GOLM2: variants seen among roughly 807,000 people sequenced by gnomAD.
GOLM2 encodes the protein protein GOLM2.
GOLM2 carries 26 observed loss-of-function variants against 55.9 expected under a neutral mutation model. The ratio of observed to expected loss-of-function variants is 0.47; its 90% CI spans 0.34 to 0.65. GOLM2 has a LOEUF of 0.65. Ranked by LOEUF, GOLM2 falls within the 30% of genes least tolerant of loss-of-function variation. The pLI, the probability that GOLM2 is intolerant of heterozygous loss-of-function variation, is 0.01. For synonymous variants in GOLM2, 165 were observed against 194.6 expected (o/e 0.85, Z 1.27); for missense variants, 486 against 531.8 (o/e 0.91, Z 0.85).
intron 1 of GOLM2, among the ~76,000 whole-genome samples, chr15:44,317,493 T>C (rs1255942940): frequency 6.6e-6 from 1 of 152,166 alleles, no homozygotes; most frequent in East Asian, 1.9e-4. Context: ...AATGAAGGAA[T>C]TGGGAAACAA....
intron 6 of GOLM2, among the ~76,000 whole-genome samples, chr15:44,366,923 G>A (rs2079289954): frequency 6.6e-6 from 1 of 151,996 alleles, no homozygotes; most frequent in Admixed American, 6.6e-5. Flanking sequence ...TATATTTTTG[G>A]TAGAGATTAT....
At chr15:44,380,665 T>TA (rs75582759) in intron 7 of GOLM2, 141 bp from the exon 8 acceptor site, 13,868 of 367,666 alleles carry the variant, frequency 0.038, 26 homozygotes, top group East Asian at 0.099. Context: ...AATAAACCTT[T>TA]AAAAAAAAAA....
At chr15:44,343,416 G>A (rs565511393) in intron 6 of GOLM2, among the ~76,000 whole-genome samples, 40 of 150,670 alleles carry the variant, frequency 2.7e-4, no homozygotes, top group Non-Finnish European at 5.2e-4. Context: ...TCTCAGTTTT[G>A]TCTTTTCTTC....
At position 44,388,543 on chromosome 15, in the gene GOLM2, G is replaced by A. The variant is rs189895599; in HGVS notation, c.1072+7567G>A. On this transcript the variant is annotated intron_variant, in intron 8 of 9. Transcript: ENST00000299957. ...ACAAAAATTAGCTGGGCATGGAGGCGTGCTCCTGTAGCCCCACCTCCTTGG... is the reference window on the plus strand; with the variant it reads ...ACAAAAATTAGCTGGGCATGGAGGCATGCTCCTGTAGCCCCACCTCCTTGG... 5.3e-5 allele frequency among the ~76,000 whole-genome samples: 8 copies of A among 152,096 alleles called. No homozygotes were observed. In the East Asian group the frequency reaches 5.9e-4, roughly 11 times the overall value.
chr15:44,372,931 C>T (rs2079337827), intron 6 of GOLM2, among the ~76,000 whole-genome samples: 1 of 152,176 alleles, frequency 6.6e-6, no homozygotes, highest in South Asian at 2.1e-4. Flanking sequence ...ATTCATACCT[C>T]TGCTCAAATG....
At chr15:44,303,532 G>GA (rs567007576) in intron 1 of GOLM2, among the ~76,000 whole-genome samples, 1 of 151,898 alleles carries the variant, frequency 6.6e-6, no homozygotes, top group Non-Finnish European at 1.5e-5. Flanking sequence ...GGGATATAAT[G>GA]AAAAAAAGTT....
At chr15:44,380,091 T>G (rs1283789746) in intron 7 of GOLM2, among the ~76,000 whole-genome samples, 1 of 152,160 alleles carries the variant, frequency 6.6e-6, no homozygotes, top group Non-Finnish European at 1.5e-5. Flanking sequence ...GTGTTCAAAT[T>G]TATCTCATAG....
intron 8 of GOLM2, among the ~76,000 whole-genome samples, chr15:44,384,145 C>T (rs572585281): frequency 6.6e-6 from 1 of 152,228 alleles, no homozygotes; most frequent in South Asian, 2.1e-4. Context: ...ATGTACAATT[C>T]AGTGGCATTT....
At chr15:44,356,813 C>T (rs1415001558) in intron 6 of GOLM2, among the ~76,000 whole-genome samples, 1 of 152,126 alleles carries the variant, frequency 6.6e-6, no homozygotes, top group Non-Finnish European at 1.5e-5. Flanking sequence ...AGACCAATAT[C>T]TCTCTTGATC....
At chr15:44,351,270 G>A (rs572837414) in intron 6 of GOLM2, among the ~76,000 whole-genome samples, 4 of 152,180 alleles carry the variant, frequency 2.6e-5, no homozygotes, top group African/African-American at 9.6e-5. Flanking sequence ...CCTAGCTAGA[G>A]CAATCAGACG....
chr15:44,403,141 A>T, intron 9 of GOLM2, 87 bp downstream of exon 9: 1 of 1,474,686 alleles, frequency 6.8e-7, no homozygotes, highest in Non-Finnish European at 9.4e-7. Flanking sequence ...TCCCCCACTT[A>T]TTAGTGGCAG....
Position 44,289,452 on chromosome 15 carries a change from C to CAGGACTGAAATACTGGAAGG in GOLM2, c.327+96_327+97insAGGACTGAAATACTGGAAGG. ...TCCGCTAGCTGTTGTCTTATGCCTT[C>CAGGACTGAAATACTGGAAGG]CAGTATTTCAGTCCTGAAGGCTCCT... On this transcript the variant is annotated intron_variant, in intron 1 of 9. Transcript: ENST00000299957. This position sits in a 1 kb window ranked among gnomAD's most constrained non-coding sequence, Gnocchi z 4.8. The CAGGACTGAAATACTGGAAGG allele has an allele frequency of 8.6e-7, 1 of 1,165,208 alleles. No individual in the cohort carries two copies. Among genetic ancestry groups the CAGGACTGAAATACTGGAAGG allele is most frequent in the Non-Finnish European group, 1.2e-6 (1 of 836,936 alleles). 72.2% of individuals were successfully genotyped at this position (1,165,208 alleles called of 1,614,324 possible). A position where few individuals can be genotyped will look rare whatever the true frequency, so the allele number is the denominator to read the frequency against.
At chr15:44,407,811 G>A (rs1485835140) in intron 9 of GOLM2, among the ~76,000 whole-genome samples, 1 of 150,120 alleles carries the variant, frequency 6.7e-6, no homozygotes, top group African/African-American at 2.5e-5. Context: ...GAGTACAATG[G>A]CGTAATCTCA....
chr15:44,410,675 C>G (rs915264334), intron 9 of GOLM2, among the ~76,000 whole-genome samples: 2 of 149,152 alleles, frequency 1.3e-5, no homozygotes, highest in African/African-American at 4.9e-5. Flanking sequence ...GTGGGCAGAT[C>G]GCTTGAACCC....
intron 8 of GOLM2, among the ~76,000 whole-genome samples, chr15:44,391,948 T>C (rs1310857037): frequency 1.3e-5 from 2 of 152,124 alleles, no homozygotes; most frequent in African/African-American, 4.8e-5. Context: ...CCTCCCAGGT[T>C]CAAGCTATTC....
At chr15:44,367,133 A>C (rs931108567) in intron 6 of GOLM2, among the ~76,000 whole-genome samples, 2 of 151,894 alleles carry the variant, frequency 1.3e-5, no homozygotes, top group African/African-American at 4.8e-5. Flanking sequence ...ATTTGTTTAT[A>C]TATTGCCTAT....
chr15:44,380,683 C>G, intron 7 of GOLM2, 123 bp from the exon 8 acceptor site: 1 of 511,528 alleles, frequency 2.0e-6, no homozygotes, highest in Non-Finnish European at 3.0e-6. Context: ...AAAAAAAAAG[C>G]TTTGTGGCTA....
chr15:44,380,145 G>A (rs569248306), intron 7 of GOLM2, among the ~76,000 whole-genome samples: 12 of 151,972 alleles, frequency 7.9e-5, no homozygotes, highest in East Asian at 5.8e-4. Flanking sequence ...TAAAATCTTC[G>A]TACTTATGAA....
intron 1 of GOLM2, among the ~76,000 whole-genome samples, chr15:44,306,962 A>C (rs560307963): frequency 1.3e-5 from 2 of 152,340 alleles, no homozygotes; most frequent in South Asian, 4.1e-4. Context: ...TGAAGGTCAC[A>C]GATCACAGAT....
Sources: allele counts gnomAD v4.1 joint callset (sites outside exome capture counted in the v4.1 genomes callset), GRCh38; gene constraint gnomAD v4.1.1; non-coding constraint Gnocchi (gnomAD v3.1); transcripts MANE v1.5; gene names NCBI Gene and HGNC (gene_info 2026-07-23, HGNC 2026-07-21).